The following OXR1 variants were observed in gnomAD, a reference collection of about 807,000 sequenced individuals.
OXR1 encodes oxidation resistance 1.
Under a neutral mutation model 104.6 loss-of-function variants are expected in OXR1, and 41 were observed. The ratio of observed to expected loss-of-function variants is 0.39; its 90% CI spans 0.31 to 0.51. OXR1 has a LOEUF of 0.51. OXR1 is among the 20% of genes least tolerant of loss of function. The probability of loss-of-function intolerance (pLI) is 0.77; values close to 1 mark genes in which losing one functional copy is unlikely to be tolerated. For synonymous variants in OXR1, 348 were observed against 348.4 expected, an observed-to-expected ratio of 1.00 and a Z score of 0.01; for missense variants, 955 against 1,031.9, an observed-to-expected ratio of 0.93 and a Z score of 1.02.
At chr8:106,443,928 T>G (rs1819899192) in intron 2 of OXR1, among the ~76,000 whole-genome samples, 1 of 152,146 alleles carries the variant, frequency 6.6e-6, no homozygotes, top group Middle Eastern at 3.2e-3. Flanking sequence ...GGGAGAAAAT[T>G]TTTGAAATCT....
At position 106,599,674 on chromosome 8, in the gene OXR1, G is replaced by C. The variant is rs1819806133; in HGVS notation, c.221-79536G>C. The stretch of plus-strand genomic sequence containing the variant: ...AGGATTTGCAAGTCATCCATAAAAT[G>C]ATTATCCTTAGTGTAAAGTTTATAT... On this transcript the variant is annotated intron_variant, in intron 3 of 16. Transcript: ENST00000517566. Among the ~76,000 whole-genome samples the C allele has an allele frequency of 2.6e-5, 4 of 152,194 alleles. No individual in the cohort carries two copies. The South Asian group carries it at 8.3e-4, about 32-fold the overall frequency.
In OXR1 at chr8:106,552,459, C is replaced by T. The variant is rs184889594; in HGVS notation, c.220+33320C>T. Among the ~76,000 whole-genome samples, 46 of 152,184 alleles carry T rather than the reference C, an allele frequency of 3.0e-4. No homozygotes were observed. In the East Asian group the frequency reaches 5.2e-3, roughly 17 times the overall value. Reference sequence around the variant, plus strand: ...TTCTTAGGCAGAAATATGTGGCTCTCGGGCCTAAACTATTATAACATTTAA... The same window carrying T: ...TTCTTAGGCAGAAATATGTGGCTCTTGGGCCTAAACTATTATAACATTTAA... On this transcript the variant is annotated intron_variant, in intron 3 of 16. Transcript: ENST00000517566.
intron 11 of OXR1, among the ~76,000 whole-genome samples, chr8:106,718,213 G>T (rs1339594946): frequency 2.6e-5 from 4 of 152,112 alleles, no homozygotes; most frequent in Non-Finnish European, 5.9e-5. Context: ...CCTAAAATAT[G>T]TTAAAAGAGT....
chr8:106,697,298 A>ATCCC (rs1830139943), intron 7 of OXR1: 1 of 765,186 alleles, frequency 1.3e-6, no homozygotes, highest in Non-Finnish European at 2.1e-6. Context: ...GGACAGGCTG[A>ATCCC]ACCCCTCACC....
At chr8:106,504,324 GT>G (rs1812013675) in intron 2 of OXR1, among the ~76,000 whole-genome samples, 1 of 152,184 alleles carries the variant, frequency 6.6e-6, no homozygotes, top group African/African-American at 2.4e-5. Context: ...CTAATATCAA[GT>G]TTGTGATGTA....
chr8:106,582,516 C>T (rs1202976606), intron 3 of OXR1, among the ~76,000 whole-genome samples: 2 of 151,788 alleles, frequency 1.3e-5, no homozygotes, highest in Non-Finnish European at 2.9e-5. Context: ...TGGTAGTATT[C>T]CACAATGGAG....
In OXR1 at chr8:106,523,982, T is replaced by C. The variant is rs1242281678; in HGVS notation, c.220+4843T>C. ...TAGTAGAGACGGGGTTTCACCAGGT[T>C]AGCCAGGATGATCTCGATCTCCTGA... On this transcript the variant is annotated intron_variant, in intron 3 of 16. Coordinates refer to ENST00000517566, the MANE Select transcript of OXR1 (RefSeq NM_001198533.2). 2.0e-5 allele frequency among the ~76,000 whole-genome samples: 3 copies of C among 152,066 alleles called. No individual in the cohort carries two copies. In the South Asian group the frequency reaches 6.2e-4, roughly 31 times the overall value.
chr8:106,694,735 T>TATATAAATATATTTTTATATATTTA (rs1829730604), intron 7 of OXR1, among the ~76,000 whole-genome samples: 1 of 95,362 alleles, frequency 1.0e-5, no homozygotes, highest in Non-Finnish European at 2.0e-5. Context: ...TATATATTTA[T>TATATAAATATATTTTTATATATTTA]ATATATATTT....
At chr8:106,736,423 C>G (rs1038821037) in intron 11 of OXR1, among the ~76,000 whole-genome samples, 2 of 152,104 alleles carry the variant, frequency 1.3e-5, no homozygotes, top group African/African-American at 4.8e-5. Flanking sequence ...AAATAAAAAG[C>G]CTTTAAAACC....
At chr8:106,455,972 A>G (rs1820576958) in intron 2 of OXR1, among the ~76,000 whole-genome samples, 1 of 152,222 alleles carries the variant, frequency 6.6e-6, no homozygotes, top group African/African-American at 2.4e-5. Context: ...TTTTATAACT[A>G]GTTTTTCACT....
intron 2 of OXR1, among the ~76,000 whole-genome samples, chr8:106,374,953 T>C (rs1355647948): frequency 2.0e-5 from 3 of 152,172 alleles, no homozygotes; most frequent in Non-Finnish European, 4.4e-5. Context: ...TTGGTTTTGC[T>C]CCAACAATTG....
At chr8:106,309,614 T>G (rs968110940) in intron 1 of OXR1, among the ~76,000 whole-genome samples, 1 of 151,898 alleles carries the variant, frequency 6.6e-6, no homozygotes, top group African/African-American at 2.4e-5. Flanking sequence ...AATGAATATT[T>G]CAATCTTAGA....
chr8:106,409,073 A>G (rs758256736), intron 2 of OXR1, among the ~76,000 whole-genome samples: 3 of 152,032 alleles, frequency 2.0e-5, no homozygotes, highest in Admixed American at 6.6e-5. Context: ...GCCTTCAGCT[A>G]TTCTCCCCTG....
chr8:106,434,570 A>G (rs1042908427), intron 2 of OXR1, among the ~76,000 whole-genome samples: 2 of 152,184 alleles, frequency 1.3e-5, no homozygotes, highest in Non-Finnish European at 2.9e-5. Flanking sequence ...TAAGAAAAAA[A>G]ATTACTTTTC....
intron 2 of OXR1, among the ~76,000 whole-genome samples, chr8:106,368,560 C>A (rs1274434075): frequency 2.6e-5 from 4 of 152,014 alleles, no homozygotes; most frequent in African/African-American, 4.8e-5. Context: ...CAACCCCCAC[C>A]CCCCAACAGG....
At chr8:106,557,993 G>A (rs990276956) in intron 3 of OXR1, among the ~76,000 whole-genome samples, 2 of 152,214 alleles carry the variant, frequency 1.3e-5, no homozygotes, top group Non-Finnish European at 2.9e-5. Context: ...TACTGTGATT[G>A]TTAATCTCTA....
At chr8:106,669,202 A>T (rs914040429) in intron 3 of OXR1, among the ~76,000 whole-genome samples, 4 of 151,862 alleles carry the variant, frequency 2.6e-5, no homozygotes, top group East Asian at 1.9e-4. Flanking sequence ...AGATCAGATA[A>T]AAAAAAAGTG....
In OXR1 at chr8:106,519,067, G is replaced by C. The variant is rs1349717113; in HGVS notation, c.148G>C (p.Glu50Gln). The part of the protein sequence containing the change: ...PAPKTPIIEE[E>Q]QNNAANTQKH... ...ACCCAAGACCCCCATCATTGAAGAA[G>C]AGCAGAACAATGCAGCAAATACTCA... The change falls in exon 3 of 17, where the codon GAG becomes CAG. Residue 50 changes from glutamate to glutamine, a missense_variant. Physicochemically the swap from Glu to Gln is conservative, Grantham distance 29. This residue lies in a region of OXR1 where 849 missense variants were observed against 852.9 expected (regional missense o/e 1.00). Coordinates refer to ENST00000517566, the MANE Select transcript of OXR1 (RefSeq NM_001198533.2). 6.4e-7 allele frequency: 1 copy of C among 1,552,144 alleles called. No homozygotes were observed. Among genetic ancestry groups the C allele is most frequent in the East Asian group, 2.4e-5 (1 of 40,918 alleles).
At position 106,751,239 on chromosome 8, in the gene OXR1, T is replaced by G; in HGVS notation, c.*298T>G. 4.8e-6 allele frequency: 1 copy of G among 209,824 alleles called. No individual in the cohort carries two copies. Among genetic ancestry groups the G allele is most frequent in the Non-Finnish European group, 9.4e-6 (1 of 106,294 alleles). The allele number at this position is 209,824 out of a possible 1,614,324, so 13.0% of individuals were successfully genotyped here. Reference sequence around the variant, plus strand: ...AACTTCATTTTCACATGTTACTCAGTTCCCTAATAGGATGGTGCTCTTTTG... The same window carrying G: ...AACTTCATTTTCACATGTTACTCAGGTCCCTAATAGGATGGTGCTCTTTTG... On this transcript the variant is annotated 3_prime_UTR_variant, in exon 17 of 17. Coordinates refer to ENST00000517566, the MANE Select transcript of OXR1 (RefSeq NM_001198533.2).
Sources: gnomAD v4.1 joint callset for allele counts (sites outside exome capture counted in the v4.1 genomes callset) on GRCh38, gnomAD v4.1.1 for gene constraint, gnomAD v4.1.1 regional missense constraint, MANE v1.5 for transcripts, NCBI Gene and HGNC (gene_info 2026-07-23, HGNC 2026-07-21) for gene names.